Variants in IGLL5 observed in about 807,000 individuals in gnomAD.
The protein encoded by IGLL5 is immunoglobulin lambda like polypeptide 5.
In IGLL5, 30 loss-of-function variants were observed where a neutral mutation model predicts 20.9. The observed-to-expected ratio is 1.44, with a 90% CI of 1.07 to 1.95. The LOEUF (loss-of-function observed/expected upper bound fraction) is 1.95. Ranked by LOEUF, IGLL5 falls within the 30% of genes most tolerant of loss-of-function variation. The pLI, the probability that IGLL5 is intolerant of heterozygous loss-of-function variation, is 0.00. For synonymous variants in IGLL5, 203 were observed against 117.3 expected (o/e 1.73, Z -4.72); for missense variants, 475 against 270.7 (o/e 1.75, Z -5.30).
chr22:22,894,159 C>G (rs2067990446), intron 2 of IGLL5, among the ~76,000 whole-genome samples: 1 of 151,510 alleles, frequency 6.6e-6, no homozygotes, highest in African/African-American at 2.4e-5. Context: ...CCCAGTGACT[C>G]CTGGGGTCAA....
intron 2 of IGLL5, among the ~76,000 whole-genome samples, chr22:22,894,458 A>C (rs956959648): frequency 1.3e-5 from 2 of 151,506 alleles, no homozygotes; most frequent in East Asian, 2.0e-4. Context: ...CTCCCAGGAC[A>C]GTCACCAGAA....
chr22:22,891,722 GT>G (rs2067852908), intron 1 of IGLL5, among the ~76,000 whole-genome samples: 1 of 151,118 alleles, frequency 6.6e-6, no homozygotes, highest in Non-Finnish European at 1.5e-5. Flanking sequence ...TGCACACTTT[GT>G]TTTTTATTCA....
At chr22:22,888,483 T>C (rs140496455) in intron 1 of IGLL5, among the ~76,000 whole-genome samples, 10 of 151,374 alleles carry the variant, frequency 6.6e-5, no homozygotes, top group Middle Eastern at 3.7e-3. Flanking sequence ...GATTTCTGAG[T>C]TTTCTGGCGC....
At chr22:22,888,938 A>T in intron 1 of IGLL5, among the ~76,000 whole-genome samples, 1 of 151,310 alleles carries the variant, frequency 6.6e-6, no homozygotes, top group East Asian at 2.0e-4. Flanking sequence ...GGTGCCCCCA[A>T]AAGACAGAGC....
intron 1 of IGLL5, among the ~76,000 whole-genome samples, chr22:22,889,359 A>C (rs551377223): frequency 2.6e-5 from 4 of 151,032 alleles, no homozygotes; most frequent in East Asian, 2.0e-4. Flanking sequence ...AAAATGTATA[A>C]CCATTTTAGC....
chr22:22,888,813 C>T (rs544954735), intron 1 of IGLL5, among the ~76,000 whole-genome samples: 1 of 151,424 alleles, frequency 6.6e-6, no homozygotes, highest in African/African-American at 2.4e-5. Flanking sequence ...GGGGAGCTGT[C>T]CAGTCATTGG....
rs1470123916 is a variant in IGLL5, at chr22:22,888,203, A to T, written c.150A>T (p.Pro50=). The change falls in exon 1 of 3, where the codon CCA becomes CCT. Residue 50 remains proline, a synonymous_variant. Coordinates refer to ENST00000526893, the MANE Select transcript of IGLL5 (RefSeq NM_001178126.2). Reference sequence around the variant, plus strand: ...TGGTTGCACCGCAAAGCGGGGACCCAGACCCTGGAGCCTCAGTTGGAAGCA... The same window carrying T: ...TGGTTGCACCGCAAAGCGGGGACCCTGACCCTGGAGCCTCAGTTGGAAGCA... ...RPMVAPQSGD[P]DPGASVGSSR... 2.6e-6 allele frequency: 4 copies of T among 1,548,662 alleles called. No individual in the cohort carries two copies. The highest frequency in any genetic ancestry group is 2.0e-5 in the Admixed American group (1 of 50,792).
At chr22:22,889,825 A>T (rs2067756350) in intron 1 of IGLL5, among the ~76,000 whole-genome samples, 1 of 151,374 alleles carries the variant, frequency 6.6e-6, no homozygotes, top group African/African-American at 2.4e-5. Flanking sequence ...TCAAATTCCT[A>T]AGCTCAAGCA....
chr22:22,891,368 T>C (rs1326854491), intron 1 of IGLL5, among the ~76,000 whole-genome samples: 1 of 151,272 alleles, frequency 6.6e-6, no homozygotes, highest in Non-Finnish European at 1.5e-5. Flanking sequence ...TACTGATTTA[T>C]TACATTCTTT....
chr22:22,895,657 C>G lies in IGLL5; in HGVS notation c.608C>G (p.Thr203Ser). 1 of 1,613,308 alleles carries G rather than the reference C, an allele frequency of 6.2e-7. No individual in the cohort carries two copies. Among genetic ancestry groups the G allele is most frequent in the Non-Finnish European group, 8.5e-7 (1 of 1,179,770 alleles). The change falls in exon 3 of 3, where the codon ACC (threonine) becomes AGC (serine). Residue 203 changes from threonine (T) to serine (S), a missense_variant. Thr to Ser is a moderately conservative substitution (Grantham distance 58, BLOSUM62 1). Coordinates refer to ENST00000526893, the MANE Select transcript of IGLL5 (RefSeq NM_001178126.2). ...TGCCAGGTCACGCATGAAGGGAGCA[C>G]CGTGGAGAAGACAGTGGCCCCTACA... is the stretch of plus-strand genomic sequence containing the variant. ...YSCQVTHEGSTVEKTVAPTEC... is the reference protein window; with the variant it reads ...YSCQVTHEGSSVEKTVAPTEC...
chr22:22,890,702 T>C (rs2067816201), intron 1 of IGLL5, among the ~76,000 whole-genome samples: 1 of 150,566 alleles, frequency 6.6e-6, no homozygotes, highest in African/African-American at 2.4e-5. Flanking sequence ...AGGTAGTGTT[T>C]CCAAAAGTCT....
intron 1 of IGLL5, among the ~76,000 whole-genome samples, chr22:22,890,507 A>G (rs2067803614): frequency 7.1e-6 from 1 of 141,100 alleles, no homozygotes; most frequent in South Asian, 2.3e-4. Context: ...GCCAGAATTT[A>G]TTTCCACTAA....
chr22:22,894,525 G>A (rs1326963605), intron 2 of IGLL5, among the ~76,000 whole-genome samples: 2 of 151,550 alleles, frequency 1.3e-5, no homozygotes, highest in Non-Finnish European at 2.9e-5. Context: ...GTCACCTCTG[G>A]GGCCCAGTGT....
At chr22:22,893,948 G>A (rs563220303) in intron 2 of IGLL5, 130 bp downstream of exon 2, 3 of 728,898 alleles carry the variant, frequency 4.1e-6, no homozygotes, top group Non-Finnish European at 4.9e-6. Flanking sequence ...TTTCTCCATG[G>A]GGCCTGGAGG....
intron 1 of IGLL5, among the ~76,000 whole-genome samples, chr22:22,893,049 G>A (rs953469841): frequency 6.6e-6 from 1 of 151,152 alleles, no homozygotes; most frequent in African/African-American, 2.4e-5. Flanking sequence ...AGGGGATCCT[G>A]CCATGTCCCA....
chr22:22,894,602 G>A (rs1378213166), intron 2 of IGLL5, among the ~76,000 whole-genome samples: 1 of 151,304 alleles, frequency 6.6e-6, no homozygotes, highest in East Asian at 2.0e-4. Context: ...AATGACCAGA[G>A]GGGAGTGAAT....
At chr22:22,888,455 T>G (rs144484198) in intron 1 of IGLL5, among the ~76,000 whole-genome samples, 196 bp downstream of exon 1, 10 of 151,336 alleles carry the variant, frequency 6.6e-5, no homozygotes, top group East Asian at 6.1e-4. Flanking sequence ...AATATCATAT[T>G]ACGATATTAT....
chr22:22,891,152 T>C lies in IGLL5; in HGVS notation c.207-2548T>C, dbSNP rs568857095. 1.1e-3 allele frequency among the ~76,000 whole-genome samples: 172 copies of C among 151,284 alleles called. 8 individuals are homozygous for C. In the South Asian group the frequency reaches 0.035, roughly 30 times the overall value. On this transcript the variant is annotated intron_variant, in intron 1 of 2. Transcript: ENST00000526893. ...TGGTTTCTGTGACCTCCACCATGTGTAGGAAGTTGTCTTTATTTCAATATT... is the reference window on the plus strand; with the variant it reads ...TGGTTTCTGTGACCTCCACCATGTGCAGGAAGTTGTCTTTATTTCAATATT...
intron 1 of IGLL5, among the ~76,000 whole-genome samples, chr22:22,890,874 A>C (rs553034526): frequency 6.6e-6 from 1 of 151,024 alleles, no homozygotes; most frequent in African/African-American, 2.4e-5. Context: ...TATTTTTTAT[A>C]TTTTTATTTA....
Sources: allele counts gnomAD v4.1 joint callset (sites outside exome capture counted in the v4.1 genomes callset), GRCh38; gene constraint gnomAD v4.1.1; transcripts MANE v1.5; gene names NCBI Gene and HGNC (gene_info 2026-07-23, HGNC 2026-07-21).